Variants in WWOX observed in about 807,000 individuals in gnomAD.
WWOX encodes WW domain containing oxidoreductase.
In WWOX, 69 loss-of-function variants were observed where a neutral mutation model predicts 46.2. The ratio of observed to expected loss-of-function variants is 1.49; its 90% CI spans 1.23 to 1.82. WWOX has a LOEUF of 1.82. WWOX is among the 40% of genes most tolerant of loss of function. The probability of loss-of-function intolerance (pLI) is 0.00; values close to 1 mark genes in which losing one functional copy is unlikely to be tolerated. For synonymous variants in WWOX, 359 were observed against 202.6 expected, an observed-to-expected ratio of 1.77 and a Z score of -6.56; for missense variants, 919 against 542.6, an observed-to-expected ratio of 1.69 and a Z score of -6.89.
chr16:79,175,031 C>G (rs867626492), intron 8 of WWOX, among the ~76,000 whole-genome samples: 2 of 152,292 alleles, frequency 1.3e-5, no homozygotes, highest in Non-Finnish European at 1.5e-5. Context: ...AACTTCTAAC[C>G]TCCCTCTCAT....
chr16:78,576,277 A>G lies in WWOX; in HGVS notation c.1056+143525A>G, dbSNP rs138450542. 5.6e-3 allele frequency among the ~76,000 whole-genome samples: 859 copies of G among 152,328 alleles called. 8 individuals are homozygous for G. The highest frequency in any genetic ancestry group is 0.02 in the African/African-American group (822 of 41,572). On this transcript the variant is annotated intron_variant, in intron 8 of 8. Coordinates refer to ENST00000566780, the MANE Select transcript of WWOX (RefSeq NM_016373.4). ...CCAACTTTTCTACAACAAATAATGCATCTGTGATTTTTCAGAACTCACAAA... is the reference window on the plus strand; with the variant it reads ...CCAACTTTTCTACAACAAATAATGCGTCTGTGATTTTTCAGAACTCACAAA...
intron 5 of WWOX, among the ~76,000 whole-genome samples, chr16:78,313,758 G>C (rs1237973949): frequency 2.0e-5 from 3 of 152,128 alleles, no homozygotes; most frequent in Non-Finnish European, 4.4e-5. Context: ...ACATTTTGAG[G>C]CTCTTCTATT....
chr16:79,202,921 A>T (rs987527405), intron 8 of WWOX: 2 of 152,228 alleles, frequency 1.3e-5, no homozygotes, highest in African/African-American at 4.8e-5. Flanking sequence ...TGCATGATAG[A>T]ATGCAAACTT....
intron 8 of WWOX, among the ~76,000 whole-genome samples, chr16:78,647,575 C>G (rs140741444): frequency 6.6e-6 from 1 of 152,182 alleles, no homozygotes; most frequent in African/African-American, 2.4e-5. Context: ...GCCACTGTCC[C>G]GTAAGGGTGG....
intron 4 of WWOX, among the ~76,000 whole-genome samples, chr16:78,116,595 T>A (rs1369946628): frequency 6.6e-6 from 1 of 152,210 alleles, no homozygotes; most frequent in African/African-American, 2.4e-5. Context: ...AAATTTTATA[T>A]AATTGTCATT....
At chr16:78,787,345 C>A (rs2050482701) in intron 8 of WWOX, among the ~76,000 whole-genome samples, 1 of 152,156 alleles carries the variant, frequency 6.6e-6, no homozygotes, top group Non-Finnish European at 1.5e-5. Flanking sequence ...TCCCCCAGCC[C>A]CTCATAACCA....
chr16:79,168,328 G>A (rs921900920), intron 8 of WWOX, among the ~76,000 whole-genome samples: 2 of 152,298 alleles, frequency 1.3e-5, no homozygotes, highest in Admixed American at 1.3e-4. Flanking sequence ...GTGGCTGCCT[G>A]TACCATTTTA....
chr16:78,978,447 CCCA>C (rs2046615485), intron 8 of WWOX, among the ~76,000 whole-genome samples: 1 of 152,186 alleles, frequency 6.6e-6, no homozygotes, highest in South Asian at 2.1e-4. Context: ...ATGTTGCATT[CCCA>C]CCAGCGAAGT....
At chr16:78,180,383 G>A (rs1279851112) in intron 5 of WWOX, among the ~76,000 whole-genome samples, 2 of 151,640 alleles carry the variant, frequency 1.3e-5, no homozygotes, top group Non-Finnish European at 2.9e-5. Flanking sequence ...CCAAGAGTTG[G>A]GGGCATATGT....
At chr16:78,527,107 G>A (rs927053201) in intron 8 of WWOX, among the ~76,000 whole-genome samples, 2 of 152,052 alleles carry the variant, frequency 1.3e-5, no homozygotes, top group African/African-American at 4.8e-5. Context: ...AGGTTGTGGT[G>A]AGCCGAGATC....
intron 8 of WWOX, among the ~76,000 whole-genome samples, chr16:78,922,495 C>A (rs185059669): frequency 6.6e-6 from 1 of 151,816 alleles, no homozygotes; most frequent in African/African-American, 2.4e-5. Flanking sequence ...TCTCGTGCCT[C>A]AGCCTCCTGA....
intron 8 of WWOX, among the ~76,000 whole-genome samples, chr16:78,570,725 G>A (rs1488278531): frequency 6.6e-6 from 1 of 152,092 alleles, no homozygotes; most frequent in Non-Finnish European, 1.5e-5. Flanking sequence ...ATTTCAGTGG[G>A]GGAGCCAGCC....
At chr16:79,053,958 C>G (rs1436452105) in intron 8 of WWOX, among the ~76,000 whole-genome samples, 1 of 150,856 alleles carries the variant, frequency 6.6e-6, no homozygotes, top group African/African-American at 2.4e-5. Flanking sequence ...ATTTTTCTTT[C>G]TCCTTTTTCT....
intron 8 of WWOX, among the ~76,000 whole-genome samples, chr16:78,583,102 G>T (rs2151591246): frequency 6.6e-6 from 1 of 152,334 alleles, no homozygotes; most frequent in African/African-American, 2.4e-5. Flanking sequence ...GGAGTTAGGA[G>T]AAGTGAATCT....
intron 8 of WWOX, among the ~76,000 whole-genome samples, chr16:78,869,722 T>A (rs2044085231): frequency 6.6e-6 from 1 of 152,250 alleles, no homozygotes; most frequent in Non-Finnish European, 1.5e-5. Context: ...CAAGAGCTGC[T>A]GAGTTGTAGA....
chr16:79,059,512 A>T (rs2048322533), intron 8 of WWOX, among the ~76,000 whole-genome samples: 1 of 152,134 alleles, frequency 6.6e-6, no homozygotes, highest in African/African-American at 2.4e-5. Flanking sequence ...TTTTTTTGAG[A>T]TGGAGTCTTG....
At position 78,432,670 on chromosome 16, in the gene WWOX, A is replaced by C. The variant is rs753464924; in HGVS notation, c.974A>C (p.Asn325Thr). ...GVTSNAVHPG[N>T]MMYSNIHRSW... ...ACGTCGAACGCAGTGCATCCTGGAA[A>C]TATGATGTACTCCAACATTCATCGC... Residue 325 changes from asparagine (N) to threonine (T), a missense_variant, in exon 8 of 9, where the codon AAT becomes ACT. Physicochemically the swap from Asn to Thr is moderately conservative, Grantham distance 65. Transcript: ENST00000566780. The C allele has an allele frequency of 6.2e-7, 1 of 1,614,202 alleles. No individual in the cohort carries two copies. Among genetic ancestry groups the C allele is most frequent in the South Asian group, 1.1e-5 (1 of 91,084 alleles).
chr16:79,085,123 T>C (rs950547631), intron 8 of WWOX, among the ~76,000 whole-genome samples: 1 of 152,192 alleles, frequency 6.6e-6, no homozygotes, highest in Non-Finnish European at 1.5e-5. Flanking sequence ...ATATACAATA[T>C]ACATATGTAA....
At chr16:78,705,286 C>T (rs1010485527) in intron 8 of WWOX, among the ~76,000 whole-genome samples, 1 of 152,122 alleles carries the variant, frequency 6.6e-6, no homozygotes, top group Non-Finnish European at 1.5e-5. Flanking sequence ...TTGTCCTGCC[C>T]AGTACTTTAT....
Sources: allele counts gnomAD v4.1 joint callset (sites outside exome capture counted in the v4.1 genomes callset), GRCh38; gene constraint gnomAD v4.1.1; transcripts MANE v1.5; gene names NCBI Gene and HGNC (gene_info 2026-07-23, HGNC 2026-07-21).